The following SPACA3 variants were observed in gnomAD, a reference collection of about 807,000 sequenced individuals.
SPACA3 encodes the protein sperm acrosome associated 3, also known as sperm acrosome membrane-associated protein 3.
Under a neutral mutation model 24.5 loss-of-function variants are expected in SPACA3, and 21 were observed. The observed-to-expected ratio is 0.86, with a 90% CI of 0.61 to 1.24. The LOEUF (loss-of-function observed/expected upper bound fraction) is 1.24, where lower values mean the gene tolerates loss of function less well. SPACA3 is among the 50% of genes most tolerant of loss of function. SPACA3 has a pLI of 0.00. For synonymous variants in SPACA3, 115 were observed against 106.9 expected (o/e 1.08, Z -0.47); for missense variants, 278 against 275.5 (o/e 1.01, Z -0.06).
rs201437710 is a variant in SPACA3, at chr17:32,995,634, C to T, written c.260C>T (p.Ala87Val). 3.8e-5 allele frequency: 61 copies of T among 1,614,124 alleles called. No homozygotes were observed. The highest frequency in any genetic ancestry group is 1.3e-5 in the African/African-American group (1 of 74,940). The change falls in exon 2 of 5, where the codon GCC becomes GTC. Residue 87 changes from alanine (A) to valine (V), a missense_variant. Physicochemically the swap from Ala to Val is moderately conservative, Grantham distance 64. Transcript: ENST00000269053. ...LLSCLLPSSE[A>V]KLYGRCELAR... is the part of the protein sequence containing the mutation. Reference sequence around the variant, plus strand: ...AGCTGCCTGCTACCCTCCAGTGAGGCCAAGCTCTACGGTCGTTGTGAACTG... The same window carrying T: ...AGCTGCCTGCTACCCTCCAGTGAGGTCAAGCTCTACGGTCGTTGTGAACTG...
rs149534103 is a variant in SPACA3, at chr17:32,997,511, G to A, written c.569G>A (p.Gly190Asp). 1 of 1,613,816 alleles carries A rather than the reference G, an allele frequency of 6.2e-7. No individual in the cohort carries two copies. The highest frequency in any genetic ancestry group is 8.5e-7 in the Non-Finnish European group (1 of 1,179,878). Residue 190 changes from glycine (G) to aspartate (D), a missense_variant, in exon 4 of 5, where the codon GGT (glycine) becomes GAT (aspartate). By Grantham distance (94) the Gly-to-Asp change is moderately conservative (BLOSUM62 -1). Coordinates refer to ENST00000269053, the MANE Select transcript of SPACA3 (RefSeq NM_173847.5). Reference protein sequence around the residue: ...CAMKITQEPQGLGYWEAWRHH... With the variant: ...CAMKITQEPQDLGYWEAWRHH... ...ATGAAGATAACCCAAGAGCCTCAGG[G>A]TCTGGGTTACTGGTAAGTAACTTGG...
chr17:32,994,654 G>A (rs531092355), intron 1 of SPACA3, among the ~76,000 whole-genome samples: 19 of 152,300 alleles, frequency 1.2e-4, no homozygotes, highest in South Asian at 6.2e-4. Flanking sequence ...GGGGAAATGC[G>A]GGTGAGGACA....
chr17:32,995,774 C>T, intron 2 of SPACA3, 57 bp downstream of exon 2: 1 of 1,551,528 alleles, frequency 6.4e-7, no homozygotes. Flanking sequence ...TCCCTCTTTC[C>T]CTCCCTCTCT....
rs765363760 is a variant in SPACA3 at position 32,997,795 on chromosome 17, C to T, written c.*17C>T. The T allele has an allele frequency of 1.4e-5, 23 of 1,613,786 alleles. No individual in the cohort carries two copies. The South Asian group carries it at 2.4e-4, about 17-fold the overall frequency. On this transcript the variant is annotated 3_prime_UTR_variant, in exon 5 of 5. Coordinates refer to ENST00000269053, the MANE Select transcript of SPACA3 (RefSeq NM_173847.5). ...GACTTCTAGGATGGACGGAACCATGCACAGCAGGCTGGGAAATGTGGTTTG... is the reference window on the plus strand; with the variant it reads ...GACTTCTAGGATGGACGGAACCATGTACAGCAGGCTGGGAAATGTGGTTTG...
At position 32,996,507 on chromosome 17, in the gene SPACA3, A is replaced by AT. The variant is rs1567712025; in HGVS notation, c.344-336_344-335insT. On this transcript the variant is annotated intron_variant, in intron 2 of 4. Coordinates refer to ENST00000269053, the MANE Select transcript of SPACA3 (RefSeq NM_173847.5). ...CCGTCTCAAAAAAAAAAAAAAAAAA[A>AT]GATTTAGCACTTGTAGATTCATTCA... 6.4e-3 allele frequency among the ~76,000 whole-genome samples: 969 copies of AT among 150,656 alleles called. 13 individuals are homozygous for AT. The highest frequency in any genetic ancestry group is 0.022 in the African/African-American group (894 of 40,992).
intron 1 of SPACA3, chr17:32,992,858 G>A (rs183283508): frequency 6.2e-5 from 29 of 470,320 alleles, no homozygotes; most frequent in Middle Eastern, 6.5e-4. Flanking sequence ...TGTGGACCTC[G>A]AAGGGGCAGT....
intron 4 of SPACA3, 54 bp from the exon 5 acceptor site, chr17:32,997,658 G>T: frequency 6.3e-7 from 1 of 1,590,596 alleles, no homozygotes; most frequent in South Asian, 1.1e-5. Context: ...TCTGGGCGGT[G>T]ACTGGCAACT....
At chr17:32,996,413 C>T (rs185360970) in intron 2 of SPACA3, among the ~76,000 whole-genome samples, 20 of 149,562 alleles carry the variant, frequency 1.3e-4, no homozygotes, top group African/African-American at 4.5e-4. Flanking sequence ...TGCTTGAACC[C>T]GGGAGGCAGA....
rs2091691478 is a variant in SPACA3 at position 32,991,879 on chromosome 17, T to TG, written c.-55dup. On this transcript the variant is annotated 5_prime_UTR_variant, in exon 1 of 5. Coordinates refer to ENST00000269053, the MANE Select transcript of SPACA3 (RefSeq NM_173847.5). ...GGTGCCTGGGGCCCTGGCAAGGTTG[T>TG]GGGGGACATCTTGAGCTGAAGCAGG... 3 of 1,612,622 alleles carry TG rather than the reference T, an allele frequency of 1.9e-6. No homozygotes were observed. The highest frequency in any genetic ancestry group is 2.5e-6 in the Non-Finnish European group (3 of 1,178,948).
chr17:32,994,639 G>A (rs1297880116), intron 1 of SPACA3, among the ~76,000 whole-genome samples: 1 of 152,226 alleles, frequency 6.6e-6, no homozygotes, highest in Non-Finnish European at 1.5e-5. Context: ...GGAGCTCACA[G>A]AGGTGGGGAA....
At chr17:32,993,660 C>G (rs982251645) in intron 1 of SPACA3, among the ~76,000 whole-genome samples, 2 of 145,086 alleles carry the variant, frequency 1.4e-5, no homozygotes, top group Non-Finnish European at 3.1e-5. Flanking sequence ...GGCCAATTCA[C>G]CAGGTTGGAA....
At chr17:32,992,601 A>G (rs1384260486) in intron 1 of SPACA3, among the ~76,000 whole-genome samples, 1 of 152,172 alleles carries the variant, frequency 6.6e-6, no homozygotes, top group Admixed American at 6.5e-5. Flanking sequence ...CGTGTGACAG[A>G]GGATGTGGAA....
Position 32,997,533 on chromosome 17 carries a change from T to A in SPACA3, c.581+10T>A, listed in dbSNP as rs935068243. ...AGGGTCTGGGTTACTGGTAAGTAAC[T>A]TGGGCTGGAGCCCCGCAGCGGTGGT... On this transcript the variant is annotated intron_variant, in intron 4 of 4. Coordinates refer to ENST00000269053, the MANE Select transcript of SPACA3 (RefSeq NM_173847.5). The A allele has an allele frequency of 1.9e-6, 3 of 1,611,796 alleles. No individual in the cohort carries two copies. The highest frequency in any genetic ancestry group is 1.7e-4 in the Middle Eastern group (1 of 6,058).
rs1567711564 is a variant in SPACA3 at position 32,995,498 on chromosome 17, CAG to C, written c.127_128del (p.Ser43TrpfsTer43). The C allele has an allele frequency of 6.2e-7, 1 of 1,614,176 alleles. No individual in the cohort carries two copies. Among genetic ancestry groups the C allele is most frequent in the East Asian group, 2.2e-5 (1 of 44,866 alleles). On this transcript the variant is annotated frameshift_variant, in exon 2 of 5. Coordinates refer to ENST00000269053, the MANE Select transcript of SPACA3 (RefSeq NM_173847.5). LOFTEE classifies it high-confidence loss of function. The part of the protein sequence containing the change: ...CLSSQSSALS[Q>X]SGGGSTSAAG... ...GTCATCCCAAAGCTCAGCTCTGAGC[CAG>C]AGTGGTGGTGGCTCCACCTCTGCCG...
intron 1 of SPACA3, among the ~76,000 whole-genome samples, chr17:32,994,980 A>G (rs1186432528): frequency 1.3e-5 from 2 of 152,132 alleles, no homozygotes; most frequent in African/African-American, 4.8e-5. Flanking sequence ...TGAGCGGGCT[A>G]TAGGGGAGCA....
At chr17:32,997,587 G>GAACA (rs1167085873) in intron 4 of SPACA3, 64 bp downstream of exon 4, 71 of 1,557,494 alleles carry the variant, frequency 4.6e-5, no homozygotes, top group Admixed American at 1.2e-4. Context: ...CAGCAGCAGG[G>GAACA]AACAAACCCC....
chr17:32,996,484 G>A (rs945195354), intron 2 of SPACA3, among the ~76,000 whole-genome samples: 10 of 104,934 alleles, frequency 9.5e-5, no homozygotes, highest in African/African-American at 1.4e-4. Context: ...GTGAGACTCC[G>A]TCTCAAAAAA....
At chr17:32,993,277 C>T (rs2091702152) in intron 1 of SPACA3, among the ~76,000 whole-genome samples, 2 of 152,274 alleles carry the variant, frequency 1.3e-5, no homozygotes, top group Non-Finnish European at 2.9e-5. Flanking sequence ...AGTGTCCTGC[C>T]AGTAGCTGCC....
At chr17:32,994,630 G>A (rs2091711070) in intron 1 of SPACA3, among the ~76,000 whole-genome samples, 1 of 152,172 alleles carries the variant, frequency 6.6e-6, no homozygotes, top group East Asian at 1.9e-4. Context: ...AGTGGGATAG[G>A]AGCTCACAGA....
Sources: allele counts gnomAD v4.1 joint callset (sites outside exome capture counted in the v4.1 genomes callset), GRCh38; gene constraint gnomAD v4.1.1; transcripts MANE v1.5; gene names NCBI Gene and HGNC (gene_info 2026-07-23, HGNC 2026-07-21).